PBX1: variants seen among roughly 807,000 people sequenced by gnomAD.
The protein encoded by PBX1 is PBX homeobox 1, also known as pre-B-cell leukemia transcription factor 1.
PBX1 carries 6 observed loss-of-function variants against 53.4 expected under a neutral mutation model. That is an observed-to-expected ratio of 0.11 (90% CI 0.06 to 0.22). PBX1 has a LOEUF of 0.22. Ranked by LOEUF, PBX1 falls within the 10% of genes least tolerant of loss-of-function variation. The probability of loss-of-function intolerance (pLI) is 1.00; values close to 1 mark genes in which losing one functional copy is unlikely to be tolerated. For synonymous variants in PBX1, 204 were observed against 212.3 expected (o/e 0.96, Z 0.34); for missense variants, 251 against 551.4 (o/e 0.46, Z 5.46).
intron 1 of PBX1, among the ~76,000 whole-genome samples, chr1:164,561,971 A>G (rs1016920298): frequency 1.3e-5 from 2 of 151,918 alleles, no homozygotes; most frequent in African/African-American, 2.4e-5. Context: ...TCTACCCCAC[A>G]TGAGAACTTA....
At chr1:164,837,440 G>T (rs574768336) in intron 8 of PBX1, among the ~76,000 whole-genome samples, 44 of 152,284 alleles carry the variant, frequency 2.9e-4, no homozygotes, top group South Asian at 6.2e-4. Flanking sequence ...AGTGTAAGTA[G>T]CATCTGTGTG....
chr1:164,644,133 T>A (rs985738357), intron 2 of PBX1, among the ~76,000 whole-genome samples: 5 of 152,324 alleles, frequency 3.3e-5, no homozygotes, highest in African/African-American at 1.2e-4. Context: ...ATCATGCTTC[T>A]AATATAGGGT....
Position 164,781,940 on chromosome 1 carries a change from C to T in PBX1, c.266-10554C>T, listed in dbSNP as rs151305581. Among the ~76,000 whole-genome samples, 1,414 of 152,052 alleles carry T rather than the reference C, an allele frequency of 9.3e-3. 27 individuals carry two copies. Among genetic ancestry groups the T allele is most frequent in the African/African-American group, 0.032 (1,340 of 41,366 alleles). The stretch of plus-strand genomic sequence containing the variant: ...CACTGTGCAATACTCTACATGAAAA[C>T]ACTCTGCCTTCTAGATTTTTATCTT... On this transcript the variant is annotated intron_variant, in intron 2 of 8. Coordinates refer to ENST00000420696, the MANE Select transcript of PBX1 (RefSeq NM_002585.4).
intron 2 of PBX1, among the ~76,000 whole-genome samples, chr1:164,624,669 A>G (rs1657920153): frequency 1.3e-5 from 2 of 152,244 alleles, no homozygotes; most frequent in Non-Finnish European, 2.9e-5. Context: ...ATGAAATGCT[A>G]TTGTGGTTAA....
At chr1:164,825,155 A>G (rs1167530522) in intron 8 of PBX1, among the ~76,000 whole-genome samples, 1 of 150,722 alleles carries the variant, frequency 6.6e-6, no homozygotes, top group Non-Finnish European at 1.5e-5. Flanking sequence ...TTTTCCCCTT[A>G]CATTTACTCA....
intron 2 of PBX1, among the ~76,000 whole-genome samples, chr1:164,702,093 G>T (rs1342198853): frequency 1.3e-5 from 2 of 152,312 alleles, no homozygotes; most frequent in East Asian, 1.9e-4. Flanking sequence ...GGTATAGCTT[G>T]TATAGTAATT....
chr1:164,880,491 A>T (rs952123215), intron 2 of PBX1, among the ~76,000 whole-genome samples: 9 of 152,216 alleles, frequency 5.9e-5, no homozygotes, highest in African/African-American at 2.2e-4. Context: ...TCAATGGCTG[A>T]GATCCAGATC....
At chr1:164,881,649 G>A (rs551640589) in intron 2 of PBX1, among the ~76,000 whole-genome samples, 7 of 84,382 alleles carry the variant, frequency 8.3e-5, no homozygotes, top group African/African-American at 3.5e-4. Context: ...GGAAAAGTGG[G>A]GAAAAAGAGG....
intron 2 of PBX1, among the ~76,000 whole-genome samples, chr1:164,870,309 C>CT (rs1672341249): frequency 1.3e-5 from 1 of 75,764 alleles, no homozygotes; most frequent in Non-Finnish European, 2.6e-5. Flanking sequence ...TTCTTTCTTT[C>CT]TTTCTTTCTT....
At chr1:164,872,236 C>G (rs1254562575) in intron 2 of PBX1, among the ~76,000 whole-genome samples, 1 of 152,224 alleles carries the variant, frequency 6.6e-6, no homozygotes, top group Non-Finnish European at 1.5e-5. Flanking sequence ...TTGGCCCCGA[C>G]CATTCCAGTG....
chr1:164,679,092 C>T (rs1180021473), intron 2 of PBX1, among the ~76,000 whole-genome samples: 3 of 152,128 alleles, frequency 2.0e-5, no homozygotes, highest in South Asian at 2.1e-4. Flanking sequence ...AACCATCCAT[C>T]GGTTTTCTTC....
intron 2 of PBX1, among the ~76,000 whole-genome samples, chr1:164,870,322 T>C (rs557907213): frequency 3.9e-4 from 43 of 109,894 alleles, no homozygotes; most frequent in African/African-American, 1.4e-3. Flanking sequence ...TCTTTCTTTC[T>C]TTCTTTCTTT....
At chr1:164,811,211 A>G (rs1238045427) in intron 5 of PBX1, among the ~76,000 whole-genome samples, 1 of 152,196 alleles carries the variant, frequency 6.6e-6, no homozygotes, top group East Asian at 1.9e-4. Context: ...CTGTGTCTCC[A>G]CTTGTGTCTG....
chr1:164,689,449 G>A (rs144674592), intron 2 of PBX1, among the ~76,000 whole-genome samples: 19 of 152,080 alleles, frequency 1.2e-4, no homozygotes, highest in Non-Finnish European at 1.8e-4. Context: ...TTGCCCAGGC[G>A]TATTAATCAT....
At position 164,731,086 on chromosome 1, in the gene PBX1, C is replaced by T. The variant is rs372898333; in HGVS notation, c.266-61408C>T. The stretch of plus-strand genomic sequence containing the variant: ...GTTTATGTGTGTGTGTGTGTATGGG[C>T]GCACGCGCATGCATGCATGTGCACA... On this transcript the variant is annotated intron_variant, in intron 2 of 8. Transcript: ENST00000420696. 3.0e-4 allele frequency among the ~76,000 whole-genome samples: 46 copies of T among 152,122 alleles called. 3 individuals carry two copies. The highest frequency in any genetic ancestry group is 1.0e-3 in the African/African-American group (43 of 41,488).
At chr1:164,750,935 A>G (rs1419740997) in intron 2 of PBX1, among the ~76,000 whole-genome samples, 2 of 152,144 alleles carry the variant, frequency 1.3e-5, no homozygotes, top group African/African-American at 4.8e-5. Flanking sequence ...AAACCCCCTA[A>G]GGTAACAATT....
intron 2 of PBX1, among the ~76,000 whole-genome samples, chr1:164,633,490 A>G (rs960001197): frequency 6.6e-6 from 1 of 151,992 alleles, no homozygotes; most frequent in Non-Finnish European, 1.5e-5. Flanking sequence ...GTCATTTTCT[A>G]TTACTAGTAT....
rs1311159937 is a variant in PBX1, at chr1:164,559,781, GAGC to G, written c.-39_-37del. The G allele has an allele frequency of 6.7e-7, 1 of 1,483,968 alleles. No homozygotes were observed. The highest frequency in any genetic ancestry group is 2.2e-5 in the Admixed American group (1 of 45,454). The allele number at this position is 1,483,968 out of a possible 1,614,324, so 91.9% of individuals were successfully genotyped here. ...GGTGCTTCCCAGGAGCCGAGCCGAG[GAGC>G]AGAAGAGGAAGAGCCGGGGGCTGCC... is the stretch of plus-strand genomic sequence containing the variant. On this transcript the variant is annotated 5_prime_UTR_variant, in exon 1 of 9. Coordinates refer to ENST00000420696, the MANE Select transcript of PBX1 (RefSeq NM_002585.4).
At chr1:164,621,989 A>C (rs983363654) in intron 2 of PBX1, among the ~76,000 whole-genome samples, 1 of 152,220 alleles carries the variant, frequency 6.6e-6, no homozygotes, top group South Asian at 2.1e-4. Context: ...ATAGCTTTTG[A>C]TGTGTCAAGT....
Sources: allele counts gnomAD v4.1 joint callset (sites outside exome capture counted in the v4.1 genomes callset), GRCh38; gene constraint gnomAD v4.1.1; transcripts MANE v1.5; gene names NCBI Gene and HGNC (gene_info 2026-07-23, HGNC 2026-07-21).